The following RNGTT variants were observed in gnomAD, a reference collection of about 807,000 sequenced individuals.
The protein encoded by RNGTT is RNA guanylyltransferase and 5'-phosphatase.
A neutral mutation model predicts 79.3 loss-of-function variants in RNGTT; 33 were observed. The ratio of observed to expected loss-of-function variants is 0.42; its 90% CI spans 0.32 to 0.56. The LOEUF (loss-of-function observed/expected upper bound fraction) is 0.56, where lower values mean the gene tolerates loss of function less well. Among genes scored for constraint, RNGTT ranks in the 20% least tolerant of loss-of-function variants. RNGTT has a pLI of 0.17. For missense variants in RNGTT, 497 were observed against 739.1 expected, an observed-to-expected ratio of 0.67 and a Z score of 3.80; for synonymous variants, 222 against 235.9, an observed-to-expected ratio of 0.94 and a Z score of 0.54.
intron 14 of RNGTT, among the ~76,000 whole-genome samples, chr6:88,620,537 T>C (rs919097282): frequency 3.3e-5 from 5 of 152,232 alleles, no homozygotes; most frequent in Non-Finnish European, 5.9e-5. Context: ...TTAACTATCA[T>C]ACTTTTTTTG....
chr6:88,935,135 T>C (rs755497768), intron 2 of RNGTT, among the ~76,000 whole-genome samples: 2 of 152,238 alleles, frequency 1.3e-5, no homozygotes, highest in Non-Finnish European at 2.9e-5. Flanking sequence ...TCCAGTTTTA[T>C]TCTTCTGTAT....
At chr6:88,898,548 T>C (rs1783329851) in intron 6 of RNGTT, among the ~76,000 whole-genome samples, 1 of 151,920 alleles carries the variant, frequency 6.6e-6, no homozygotes, top group Admixed American at 6.6e-5. Flanking sequence ...AAAGAAAGGT[T>C]CTATTTGCTT....
At chr6:88,876,016 G>A (rs953817474) in intron 8 of RNGTT, among the ~76,000 whole-genome samples, 11 of 152,012 alleles carry the variant, frequency 7.2e-5, no homozygotes, top group African/African-American at 2.4e-4. Flanking sequence ...GGACTTCAAA[G>A]GTTTCCATAC....
intron 13 of RNGTT, among the ~76,000 whole-genome samples, chr6:88,767,693 A>C (rs997378033): frequency 3.1e-4 from 46 of 147,200 alleles, no homozygotes; most frequent in African/African-American, 8.2e-4. Flanking sequence ...AAAAAAAAAA[A>C]AAAAAAAAAA....
At chr6:88,783,712 A>T (rs145144406) in intron 12 of RNGTT, among the ~76,000 whole-genome samples, 4 of 152,190 alleles carry the variant, frequency 2.6e-5, no homozygotes, top group Admixed American at 1.3e-4. Flanking sequence ...TTTAACAGCA[A>T]TACTACTGAC....
intron 13 of RNGTT, among the ~76,000 whole-genome samples, chr6:88,692,923 A>G (rs1241715526): frequency 6.6e-6 from 1 of 152,012 alleles, no homozygotes; most frequent in East Asian, 1.9e-4. Flanking sequence ...TAAAAAGGGC[A>G]ATCAAAAAAT....
intron 10 of RNGTT, among the ~76,000 whole-genome samples, chr6:88,845,987 C>G (rs1214082296): frequency 6.6e-6 from 1 of 151,078 alleles, no homozygotes; most frequent in Non-Finnish European, 1.5e-5. Flanking sequence ...TAAGTAAGCC[C>G]TCTTTTATGT....
At position 88,937,544 on chromosome 6, in the gene RNGTT, C is replaced by T. The variant is rs137890277; in HGVS notation, c.174+3527G>A. Among the ~76,000 whole-genome samples, 287 of 150,834 alleles carry T rather than the reference C, an allele frequency of 1.9e-3. 2 individuals are homozygous for T. The highest frequency in any genetic ancestry group is 6.8e-3 in the African/African-American group (278 of 41,080). ...TTCTTTGTATTTTTTTTTTTAGTGT[C>T]TATTTTGTTTAGTTCTGCTCTGATC... On this transcript the variant is annotated intron_variant, in intron 2 of 15. Coordinates refer to ENST00000369485, the MANE Select transcript of RNGTT (RefSeq NM_003800.5).
intron 4 of RNGTT, among the ~76,000 whole-genome samples, chr6:88,922,291 C>T (rs970073492): frequency 1.3e-5 from 2 of 151,912 alleles, no homozygotes; most frequent in Non-Finnish European, 2.9e-5. Flanking sequence ...TATTTCAATA[C>T]ATGTCTACAA....
rs189799927 is a variant in RNGTT at position 88,665,424 on chromosome 6, C to T, written c.1506+12929G>A. ...GCCTTGTCAGTCTCCATGGAACACC[C>T]CCCTCCTACCTGTTCCCAAGCCAGG... is the stretch of plus-strand genomic sequence containing the variant. On this transcript the variant is annotated intron_variant, in intron 14 of 15. Transcript: ENST00000369485. Among the ~76,000 whole-genome samples, 100 of 152,244 alleles carry T rather than the reference C, an allele frequency of 6.6e-4. 4 individuals are homozygous for T. In the East Asian group the frequency reaches 0.018, roughly 28 times the overall value.
At position 88,787,047 on chromosome 6, in the gene RNGTT, G is replaced by C. The variant is rs545120902; in HGVS notation, c.1338+14517C>G. 7.2e-5 allele frequency among the ~76,000 whole-genome samples: 11 copies of C among 152,282 alleles called. No individual in the cohort carries two copies. The South Asian group carries it at 2.3e-3, about 32-fold the overall frequency. On this transcript the variant is annotated intron_variant, in intron 12 of 15. Coordinates refer to ENST00000369485, the MANE Select transcript of RNGTT (RefSeq NM_003800.5). The stretch of plus-strand genomic sequence containing the variant: ...CTTGGACTTCCCAGCTTCTAGAACT[G>C]TGAGAAATAAATTTCTGTTGTTTAT...
At chr6:88,953,113 C>G (rs1237211655) in intron 1 of RNGTT, among the ~76,000 whole-genome samples, 3 of 152,048 alleles carry the variant, frequency 2.0e-5, no homozygotes, top group Admixed American at 2.0e-4. Context: ...TGGATCCAAA[C>G]CAGGAAGAAA....
chr6:88,740,961 G>C (rs766835781), intron 13 of RNGTT, among the ~76,000 whole-genome samples: 16 of 152,110 alleles, frequency 1.1e-4, no homozygotes, highest in Admixed American at 3.3e-4. Context: ...TGCTGGTTAG[G>C]CTGCAGAGAA....
chr6:88,839,909 T>C (rs1781209395), intron 11 of RNGTT, among the ~76,000 whole-genome samples: 1 of 152,220 alleles, frequency 6.6e-6, no homozygotes, highest in Non-Finnish European at 1.5e-5. Context: ...ATTATCCCTT[T>C]ATTGTGTTTA....
At chr6:88,850,160 G>C (rs935159578) in intron 9 of RNGTT, among the ~76,000 whole-genome samples, 2 of 151,830 alleles carry the variant, frequency 1.3e-5, no homozygotes, top group Non-Finnish European at 2.9e-5. Flanking sequence ...TAAACGTCAG[G>C]ATCTTTTTTA....
At position 88,792,832 on chromosome 6, in the gene RNGTT, A is replaced by T. The variant is rs1254682314; in HGVS notation, c.1338+8732T>A. 3.0e-4 allele frequency among the ~76,000 whole-genome samples: 45 copies of T among 152,224 alleles called. 1 individual carries two copies. Among genetic ancestry groups the T allele is most frequent in the Admixed American group, 2.9e-3 (45 of 15,288 alleles). On this transcript the variant is annotated intron_variant, in intron 12 of 15. Transcript: ENST00000369485. ...ATAAGGAAAAAATAACAAAGGCTAC[A>T]CAATTCAATATAATGAAATTTTGCA...
In RNGTT at chr6:88,847,802, T is replaced by C. The variant is rs138780514; in HGVS notation, c.1104+1953A>G. Reference sequence around the variant, plus strand: ...AAAGCTTCTGTGCATTAATAAACACTGATTTGGAAAACATATTGCCACACA... The same window carrying C: ...AAAGCTTCTGTGCATTAATAAACACCGATTTGGAAAACATATTGCCACACA... On this transcript the variant is annotated intron_variant, in intron 10 of 15. Coordinates refer to ENST00000369485, the MANE Select transcript of RNGTT (RefSeq NM_003800.5). 2.3e-3 allele frequency among the ~76,000 whole-genome samples: 350 copies of C among 152,074 alleles called. 3 individuals are homozygous for C. The highest frequency in any genetic ancestry group is 8.3e-3 in the African/African-American group (343 of 41,540).
chr6:88,755,884 T>C (rs905652088), intron 13 of RNGTT, among the ~76,000 whole-genome samples: 1 of 134,732 alleles, frequency 7.4e-6, no homozygotes, highest in Non-Finnish European at 1.5e-5. Flanking sequence ...TGCTTGAACC[T>C]GGGAGGCAGA....
chr6:88,639,781 C>G (rs767449640), intron 14 of RNGTT, among the ~76,000 whole-genome samples: 11 of 152,186 alleles, frequency 7.2e-5, no homozygotes, highest in Admixed American at 6.5e-5. Context: ...ATGAAGACAG[C>G]AGCCACACTC....
Sources: gnomAD v4.1 joint callset for allele counts (sites outside exome capture counted in the v4.1 genomes callset) on GRCh38, gnomAD v4.1.1 for gene constraint, MANE v1.5 for transcripts, NCBI Gene and HGNC (gene_info 2026-07-23, HGNC 2026-07-21) for gene names.